Variants in HCN1 observed in about 807,000 individuals in gnomAD.
HCN1 encodes the protein potassium/sodium hyperpolarization-activated cyclic nucleotide-gated channel 1.
Under a neutral mutation model 78.9 loss-of-function variants are expected in HCN1, and 13 were observed. The observed-to-expected ratio is 0.16, with a 90% CI of 0.11 to 0.26. The LOEUF (loss-of-function observed/expected upper bound fraction) is 0.26, where lower values mean the gene tolerates loss of function less well. Among genes scored for constraint, HCN1 ranks in the 10% least tolerant of loss-of-function variants. HCN1 has a pLI of 1.00. For missense variants in HCN1, 810 were observed against 1,154.3 expected (o/e 0.70, Z 4.32); for synonymous variants, 552 against 455.5 (o/e 1.21, Z -2.70).
chr5:45,517,082 T>C (rs1005425222), intron 2 of HCN1, among the ~76,000 whole-genome samples: 2 of 151,996 alleles, frequency 1.3e-5, no homozygotes, highest in African/African-American at 4.8e-5. Flanking sequence ...GCTTTGAGCC[T>C]TTATTGACAT....
In HCN1 at chr5:45,373,294, T is replaced by C. The variant is rs1199882359; in HGVS notation, c.1231-20048A>G. 5.7e-4 allele frequency among the ~76,000 whole-genome samples: 67 copies of C among 117,796 alleles called. 1 individual carries two copies. The highest frequency in any genetic ancestry group is 2.1e-3 in the African/African-American group (65 of 30,244). 77.3% of individuals were successfully genotyped at this position (117,796 alleles called of 152,430 possible). ...TATATATTTTATATTATATATTATA[T>C]ATATTTTATATACTATATATAAAAT... On this transcript the variant is annotated intron_variant, in intron 4 of 7. Coordinates refer to ENST00000303230, the MANE Select transcript of HCN1 (RefSeq NM_021072.4).
intron 1 of HCN1, among the ~76,000 whole-genome samples, chr5:45,686,096 T>C (rs1042490894): frequency 2.0e-5 from 3 of 151,602 alleles, no homozygotes; most frequent in Admixed American, 1.3e-4. Context: ...ATATACTATA[T>C]ACCCCATGAA....
intron 1 of HCN1, among the ~76,000 whole-genome samples, chr5:45,648,222 A>G (rs558246146): frequency 4.2e-4 from 64 of 152,300 alleles, no homozygotes; most frequent in African/African-American, 1.5e-3. Flanking sequence ...TCATTTCTAC[A>G]GACATCTTTG....
intron 2 of HCN1, among the ~76,000 whole-genome samples, chr5:45,620,821 C>T (rs1210526542): frequency 6.6e-6 from 1 of 152,112 alleles, no homozygotes; most frequent in Non-Finnish European, 1.5e-5. Flanking sequence ...CTACAGTACC[C>T]TATCTAACAA....
chr5:45,501,340 A>G (rs1742181057), intron 2 of HCN1, among the ~76,000 whole-genome samples: 1 of 152,208 alleles, frequency 6.6e-6, no homozygotes. Flanking sequence ...ATTTAATGCT[A>G]TCTTAATGTT....
intron 2 of HCN1, among the ~76,000 whole-genome samples, chr5:45,632,185 C>T (rs1028403910): frequency 3.3e-5 from 5 of 151,870 alleles, no homozygotes; most frequent in African/African-American, 7.3e-5. Context: ...TTTCCTCAAC[C>T]TCAATACTCC....
intron 3 of HCN1, among the ~76,000 whole-genome samples, chr5:45,417,050 A>G (rs1740133580): frequency 6.6e-6 from 1 of 152,030 alleles, no homozygotes; most frequent in African/African-American, 2.4e-5. Context: ...AACAACCCTG[A>G]ATTAGTTTGA....
At chr5:45,581,355 T>A (rs1744068918) in intron 2 of HCN1, among the ~76,000 whole-genome samples, 1 of 152,220 alleles carries the variant, frequency 6.6e-6, no homozygotes, top group African/African-American at 2.4e-5. Flanking sequence ...TCACCCACTT[T>A]TTGATGGGGT....
chr5:45,680,501 G>A (rs1739683030), intron 1 of HCN1, among the ~76,000 whole-genome samples: 1 of 151,962 alleles, frequency 6.6e-6, no homozygotes, highest in Non-Finnish European at 1.5e-5. Context: ...CAGAAAAGAG[G>A]GAAAATCCAT....
At chr5:45,634,104 T>C (rs1259425783) in intron 2 of HCN1, among the ~76,000 whole-genome samples, 1 of 151,984 alleles carries the variant, frequency 6.6e-6, no homozygotes, top group Non-Finnish European at 1.5e-5. Flanking sequence ...TTTTTAAAAA[T>C]TTTTATTGCT....
At chr5:45,564,194 A>G (rs1438430044) in intron 2 of HCN1, among the ~76,000 whole-genome samples, 1 of 152,122 alleles carries the variant, frequency 6.6e-6, no homozygotes, top group Non-Finnish European at 1.5e-5. Context: ...TGATACCTCA[A>G]AAACTTTGTC....
chr5:45,609,033 T>A (rs1053295607), intron 2 of HCN1, among the ~76,000 whole-genome samples: 16 of 152,098 alleles, frequency 1.1e-4, no homozygotes, highest in Admixed American at 9.9e-4. Context: ...AACCTGATAC[T>A]ATTTCAAGTC....
chr5:45,446,215 C>T (rs1740791241), intron 3 of HCN1, among the ~76,000 whole-genome samples: 1 of 152,148 alleles, frequency 6.6e-6, no homozygotes, highest in African/African-American at 2.4e-5. Context: ...AGCTGAAAGC[C>T]AAGGCTCGAG....
intron 6 of HCN1, among the ~76,000 whole-genome samples, chr5:45,290,547 C>T (rs1159260018): frequency 1.3e-5 from 2 of 151,968 alleles, no homozygotes; most frequent in Non-Finnish European, 2.9e-5. Context: ...ATAAATAAGA[C>T]ACTTTTGTGT....
At chr5:45,346,708 T>C (rs1746722653) in intron 5 of HCN1, among the ~76,000 whole-genome samples, 1 of 152,154 alleles carries the variant, frequency 6.6e-6, no homozygotes, top group Non-Finnish European at 1.5e-5. Context: ...CACCAGGAGA[T>C]TATATCCTGC....
chr5:45,600,111 C>G lies in HCN1; in HGVS notation c.849+45074G>C, dbSNP rs1212350529. Among the ~76,000 whole-genome samples the G allele has an allele frequency of 5.9e-5, 9 of 152,074 alleles. No homozygotes were observed. The East Asian group carries it at 1.7e-3, about 29-fold the overall frequency. On this transcript the variant is annotated intron_variant, in intron 2 of 7. Transcript: ENST00000303230. ...TCTTGTCATTTTTTCCTGACTTGCT[C>G]TATAAAAGTAATTATAGTTTTAGGC... is the stretch of plus-strand genomic sequence containing the variant.
At position 45,363,133 on chromosome 5, in the gene HCN1, TA is replaced by T. The variant is rs1561124368; in HGVS notation, c.1231-9888del. ...TTTACATATTATATATATAACATATTATATATATATACATATATATATATAT... is the reference window on the plus strand; with the variant it reads ...TTTACATATTATATATATAACATATTTATATATATACATATATATATATAT... On this transcript the variant is annotated intron_variant, in intron 4 of 7. Coordinates refer to ENST00000303230, the MANE Select transcript of HCN1 (RefSeq NM_021072.4). 9.6e-3 allele frequency among the ~76,000 whole-genome samples: 1,043 copies of T among 108,786 alleles called. 24 individuals are homozygous for T. The highest frequency in any genetic ancestry group is 0.041 in the African/African-American group (991 of 24,100). The allele number at this position is 108,786 out of a possible 152,430, so 71.4% of individuals were successfully genotyped here.
At chr5:45,379,541 A>G (rs1747761915) in intron 4 of HCN1, among the ~76,000 whole-genome samples, 1 of 152,122 alleles carries the variant, frequency 6.6e-6, no homozygotes, top group Non-Finnish European at 1.5e-5. Flanking sequence ...TAATCAATTT[A>G]TGTCTGTATA....
intron 6 of HCN1, among the ~76,000 whole-genome samples, chr5:45,290,109 G>C (rs1457649418): frequency 6.6e-6 from 1 of 151,652 alleles, no homozygotes; most frequent in African/African-American, 2.4e-5. Context: ...AGATCTGATG[G>C]TTTTATAAAG....
Sources: gnomAD v4.1 joint callset for allele counts (sites outside exome capture counted in the v4.1 genomes callset) on GRCh38, gnomAD v4.1.1 for gene constraint, MANE v1.5 for transcripts, NCBI Gene and HGNC (gene_info 2026-07-23, HGNC 2026-07-21) for gene names.